The following PAXIP1 variants were observed in gnomAD, a reference collection of about 807,000 sequenced individuals.
The protein encoded by PAXIP1 is PAX interacting protein 1.
PAXIP1 carries 19 observed loss-of-function variants against 140.6 expected under a neutral mutation model. The ratio of observed to expected loss-of-function variants is 0.14; its 90% CI spans 0.09 to 0.20. The LOEUF (loss-of-function observed/expected upper bound fraction) is 0.20, where lower values mean the gene tolerates loss of function less well. Among genes scored for constraint, PAXIP1 ranks in the 10% least tolerant of loss-of-function variants. The pLI is 1.00. For missense variants in PAXIP1, 920 were observed against 1,208.6 expected, an observed-to-expected ratio of 0.76 and a Z score of 3.54; for synonymous variants, 442 against 444.6, an observed-to-expected ratio of 0.99 and a Z score of 0.07.
chr7:155,002,790 A>G, intron 1 of PAXIP1, 59 bp downstream of exon 1: 2 of 963,950 alleles, frequency 2.1e-6, no homozygotes, highest in South Asian at 2.1e-5. Flanking sequence ...GGGGACGGGG[A>G]CGGGGACGGA....
chr7:154,967,958 T>C (rs1459261947), intron 7 of PAXIP1, 48 bp from the exon 8 acceptor site: 28 of 1,349,472 alleles, frequency 2.1e-5, no homozygotes, highest in Non-Finnish European at 2.7e-5. Context: ...CCTATGAATA[T>C]GCTTGCACAA....
intron 5 of PAXIP1, among the ~76,000 whole-genome samples, chr7:154,982,739 C>A (rs1178760635): frequency 6.6e-6 from 1 of 152,178 alleles, no homozygotes; most frequent in Non-Finnish European, 1.5e-5. Flanking sequence ...CATACAGCCA[C>A]ACCACTGCTC....
intron 6 of PAXIP1, 144 bp from the exon 7 acceptor site, chr7:154,969,270 C>T: frequency 1.2e-6 from 1 of 854,464 alleles, no homozygotes; most frequent in Non-Finnish European, 1.7e-6. Context: ...ACTGCAAAAA[C>T]AATACTGCAT....
intron 5 of PAXIP1, among the ~76,000 whole-genome samples, chr7:154,981,347 C>T (rs1809834990): frequency 6.6e-6 from 1 of 152,104 alleles, no homozygotes; most frequent in African/African-American, 2.4e-5. Context: ...AAATATTTAC[C>T]ATTGCAGAAG....
At chr7:154,972,147 CA>C (rs1168787513) in intron 6 of PAXIP1, among the ~76,000 whole-genome samples, 2 of 152,176 alleles carry the variant, frequency 1.3e-5, no homozygotes, top group African/African-American at 4.8e-5. Context: ...TATCCAAATA[CA>C]AACTTAAGGA....
chr7:154,957,916 G>A lies in PAXIP1; in HGVS notation c.2479-622C>T, dbSNP rs867176241. On this transcript the variant is annotated intron_variant, in intron 13 of 20. Transcript: ENST00000404141. ...CGGGAAGCGGAGCTTGCAGTGAGCC[G>A]AGATTGCGCCACTGCAGTCCGCAGT... 1.4e-3 allele frequency among the ~76,000 whole-genome samples: 205 copies of A among 144,798 alleles called. 1 individual carries two copies. The highest frequency in any genetic ancestry group is 4.8e-3 in the African/African-American group (188 of 39,434). The allele number at this position is 144,798 out of a possible 152,430, so 95.0% of individuals were successfully genotyped here.
chr7:154,981,344 T>C (rs908129634), intron 5 of PAXIP1, among the ~76,000 whole-genome samples: 2 of 152,216 alleles, frequency 1.3e-5, no homozygotes, highest in South Asian at 4.1e-4. Flanking sequence ...AACAAATATT[T>C]ACCATTGCAG....
chr7:154,986,295 T>C lies in PAXIP1; in HGVS notation c.325-2963A>G. 3.4e-6 allele frequency: 2 copies of C among 595,484 alleles called. No individual in the cohort carries two copies. The highest frequency in any genetic ancestry group is 5.1e-6 in the Non-Finnish European group (2 of 393,008). The allele number at this position is 595,484 out of a possible 1,614,324, so 36.9% of individuals were successfully genotyped here. A position where few individuals can be genotyped will look rare whatever the true frequency, so the allele number is the denominator to read the frequency against. On this transcript the variant is annotated intron_variant, in intron 4 of 20. Coordinates refer to ENST00000404141, the MANE Select transcript of PAXIP1 (RefSeq NM_007349.4). This position sits in a 1 kb window ranked among gnomAD's most constrained non-coding sequence, Gnocchi z 4.8. Reference sequence around the variant, plus strand: ...GTGTGTGCGCATGGGTGCTCCAGTGTGCAGAAAAGGTGCAGATCCCTCTGA... The same window carrying C: ...GTGTGTGCGCATGGGTGCTCCAGTGCGCAGAAAAGGTGCAGATCCCTCTGA...
rs1453685308 is a variant in PAXIP1 at position 154,963,153 on chromosome 7, C to T, written c.1989+518G>A. ...GCACAGAGAGCAGCTGGAATGGTGA[C>T]TGCAGGGAGTGTCCGCCCTTTCTTT... On this transcript the variant is annotated intron_variant, in intron 9 of 20. Coordinates refer to ENST00000404141, the MANE Select transcript of PAXIP1 (RefSeq NM_007349.4). The surrounding 1 kb of genome is among the most constrained non-coding windows in gnomAD (Gnocchi z 4.1). Among the ~76,000 whole-genome samples the T allele has an allele frequency of 6.6e-6, 1 of 152,150 alleles. No individual in the cohort carries two copies. Among genetic ancestry groups the T allele is most frequent in the East Asian group, 1.9e-4 (1 of 5,194 alleles).
intron 5 of PAXIP1, among the ~76,000 whole-genome samples, chr7:154,978,926 CT>C (rs1048181733): frequency 9.9e-5 from 15 of 152,256 alleles, no homozygotes; most frequent in African/African-American, 3.6e-4. Context: ...GTATAGAATG[CT>C]GGCATTTCAC....
chr7:154,977,143 G>A (rs944534522), intron 5 of PAXIP1, among the ~76,000 whole-genome samples: 4 of 152,136 alleles, frequency 2.6e-5, no homozygotes, highest in Admixed American at 6.5e-5. Flanking sequence ...TAGTATGTTC[G>A]GCAAGCTAAC....
chr7:155,000,943 C>G (rs1467806013), intron 1 of PAXIP1: 2 of 152,344 alleles, frequency 1.3e-5, no homozygotes, highest in African/African-American at 4.8e-5. Context: ...GTGGAGAAAT[C>G]TGCTACACCT....
At chr7:154,983,172 A>T in intron 5 of PAXIP1, 47 bp downstream of exon 5, 2 of 923,274 alleles carry the variant, frequency 2.2e-6, no homozygotes, top group South Asian at 3.4e-5. Context: ...GATTACTAGA[A>T]ATTCTTAAAT....
intron 11 of PAXIP1, 113 bp from the exon 12 acceptor site, chr7:154,961,190 G>T (rs1200390534): frequency 1.2e-6 from 1 of 854,578 alleles, no homozygotes; most frequent in Admixed American, 3.1e-5. Context: ...AATAGAAGTG[G>T]GAGGCATATC....
intron 4 of PAXIP1, among the ~76,000 whole-genome samples, chr7:154,990,401 A>G (rs992779461): frequency 6.6e-6 from 1 of 152,206 alleles, no homozygotes; most frequent in African/African-American, 2.4e-5. Flanking sequence ...GAGTATTTTA[A>G]GGCTTGACAC....
intron 6 of PAXIP1, chr7:154,974,114 C>CA (rs1385205066): frequency 6.6e-6 from 1 of 152,318 alleles, no homozygotes; most frequent in African/African-American, 2.4e-5. Flanking sequence ...CAGATACCTC[C>CA]AACCCAACAC....
intron 20 of PAXIP1, chr7:154,945,455 AG>A (rs1486927157): frequency 1.3e-6 from 1 of 755,528 alleles, no homozygotes; most frequent in African/African-American, 1.9e-5. Flanking sequence ...TGGATGAAAC[AG>A]GCACACACGA....
chr7:154,991,140 C>A, intron 3 of PAXIP1, 71 bp from the exon 4 acceptor site: 1 of 717,686 alleles, frequency 1.4e-6, no homozygotes, highest in African/African-American at 1.8e-5. Flanking sequence ...CAGACATTAC[C>A]CACCCACTCC....
In PAXIP1 at chr7:154,963,751, C is replaced by A; in HGVS notation, c.1909G>T (p.Gly637Cys). 2 of 1,612,924 alleles carry A rather than the reference C, an allele frequency of 1.2e-6. No homozygotes were observed. The highest frequency in any genetic ancestry group is 1.7e-6 in the Non-Finnish European group (2 of 1,179,388). The change falls in exon 9 of 21, where the codon GGC becomes TGC. Residue 637 changes from glycine (G) to cysteine (C), a missense_variant. Transcript: ENST00000404141. This position sits in a 1 kb window ranked among gnomAD's most constrained non-coding sequence, Gnocchi z 4.1. The part of the protein sequence containing the change: ...ATWKRIIQAH[G>C]GTVDPTFTSR... ...GTGAAGGTGGGGTCAACAGTGCCGCCATGTGCCTGGATTATCTACACACAA... is the reference window on the plus strand; with the variant it reads ...GTGAAGGTGGGGTCAACAGTGCCGCAATGTGCCTGGATTATCTACACACAA...
Sources: gnomAD v4.1 joint callset for allele counts (sites outside exome capture counted in the v4.1 genomes callset) on GRCh38, gnomAD v4.1.1 for gene constraint, Gnocchi (gnomAD v3.1) non-coding constraint, MANE v1.5 for transcripts, NCBI Gene and HGNC (gene_info 2026-07-23, HGNC 2026-07-21) for gene names.